NR1H2: variants seen among roughly 807,000 people sequenced by gnomAD.
The protein encoded by NR1H2 is oxysterols receptor LXR-beta.
NR1H2 carries 33 observed loss-of-function variants against 51.2 expected under a neutral mutation model. That is an observed-to-expected ratio of 0.64 (90% CI 0.49 to 0.86). The LOEUF (loss-of-function observed/expected upper bound fraction) is 0.86. Among genes scored for constraint, NR1H2 ranks in the 40% least tolerant of loss-of-function variants. The pLI is 0.00. For synonymous variants in NR1H2, 310 were observed against 264.3 expected (o/e 1.17, Z -1.68); for missense variants, 592 against 639.9 (o/e 0.93, Z 0.81).
At chr19:50,377,698 T>TCA (rs780020967) in intron 3 of NR1H2, 35 bp from the exon 4 acceptor site, 29 of 1,603,678 alleles carry the variant, frequency 1.8e-5, no homozygotes, top group Non-Finnish European at 2.5e-5. Context: ...GAGCAGAAGC[T>TCA]CACTGTACCT....
In NR1H2 at chr19:50,377,996, C is replaced by T. The variant is rs897973631; in HGVS notation, c.181+126C>T. ...GTTCTTGCTTTCTCCTTAACATATA[C>T]ATCTTTCTAAATTGCAATTTCCCTG... On this transcript the variant is annotated intron_variant, in intron 4 of 9. Coordinates refer to ENST00000253727, the MANE Select transcript of NR1H2 (RefSeq NM_007121.7). 4.9e-6 allele frequency: 7 copies of T among 1,425,986 alleles called. No homozygotes were observed. In the African/African-American group the frequency reaches 7.1e-5, roughly 15 times the overall value. 88.3% of individuals were successfully genotyped at this position (1,425,986 alleles called of 1,614,324 possible).
At chr19:50,382,266 C>T in intron 9 of NR1H2, 92 bp downstream of exon 9, 1 of 1,361,416 alleles carries the variant, frequency 7.3e-7, no homozygotes, top group South Asian at 1.4e-5. Flanking sequence ...ACACTGCCCT[C>T]CCCTCCGCAG....
At position 50,378,565 on chromosome 19, in the gene NR1H2, A is replaced by ACAGCAG. The variant is rs34296657; in HGVS notation, c.520_525dup (p.Gln174_Gln175dup). The ACAGCAG allele has an allele frequency of 6.2e-7, 1 of 1,612,558 alleles. No individual in the cohort carries two copies. The highest frequency in any genetic ancestry group is 1.1e-5 in the South Asian group (1 of 91,012). ...AGATCCGGAAGAAGAAGATTCGGAA[A>ACAGCAG]CAGCAGCAGGAGTCACAGTCACAGT... On this transcript the variant is annotated inframe_insertion, in exon 6 of 10. Transcript: ENST00000253727.
At position 50,382,735 on chromosome 19, in the gene NR1H2, A is replaced by T. The variant is rs755679742; in HGVS notation, c.*133A>T. ...GACCTATCGGCTCTCATCCCTTGGG[A>T]TAAGCCCCAGTCCAGGTCCAGGAGG... On this transcript the variant is annotated 3_prime_UTR_variant, in exon 10 of 10. Coordinates refer to ENST00000253727, the MANE Select transcript of NR1H2 (RefSeq NM_007121.7). 3 of 970,362 alleles carry T rather than the reference A, an allele frequency of 3.1e-6. No individual in the cohort carries two copies. Among genetic ancestry groups the T allele is most frequent in the Non-Finnish European group, 4.4e-6 (3 of 675,996 alleles). The allele number at this position is 970,362 out of a possible 1,614,324, so 60.1% of individuals were successfully genotyped here.
At chr19:50,380,850 A>C (rs2123654688) in intron 8 of NR1H2, among the ~76,000 whole-genome samples, 1 of 152,218 alleles carries the variant, frequency 6.6e-6, no homozygotes, top group East Asian at 1.9e-4. Flanking sequence ...GAACACTGCC[A>C]GGGTCCCCTT....
In NR1H2 at chr19:50,382,034, G is replaced by C. The variant is rs1341455909; in HGVS notation, c.1096G>C (p.Asp366His). ...GGCCATGCGGCGGCTGGGCCTGGAC[G>C]ACGCTGAGTACGCCCTGCTCATCGC... ...SRAMRRLGLD[D>H]AEYALLIAIN... Residue 366 changes from aspartate to histidine, a missense_variant, in exon 9 of 10, where the codon GAC becomes CAC. Asp to His is a moderately conservative substitution (Grantham distance 81). Transcript: ENST00000253727. 6.4e-7 allele frequency: 1 copy of C among 1,565,430 alleles called. No homozygotes were observed. Among genetic ancestry groups the C allele is most frequent in the Non-Finnish European group, 8.7e-7 (1 of 1,154,822 alleles).
At position 50,382,268 on chromosome 19, in the gene NR1H2, C is replaced by T. The variant is rs796608283; in HGVS notation, c.1236+94C>T. The T allele has an allele frequency of 6.5e-5, 88 of 1,360,122 alleles. No individual in the cohort carries two copies. In the African/African-American group the frequency reaches 8.4e-4, roughly 13 times the overall value. The allele number at this position is 1,360,122 out of a possible 1,614,324, so 84.3% of individuals were successfully genotyped here. A position where few individuals can be genotyped will look rare whatever the true frequency, so the allele number is the denominator to read the frequency against. On this transcript the variant is annotated intron_variant, in intron 9 of 9. Transcript: ENST00000253727. ...GGTTCTGCCAGCCACACTGCCCTCC[C>T]CTCCGCAGAGTCTTTCCTCAGGCCC... is the stretch of plus-strand genomic sequence containing the variant.
chr19:50,381,946 G>A lies in NR1H2; in HGVS notation c.1028-20G>A. On this transcript the variant is annotated intron_variant, in intron 8 of 9. Transcript: ENST00000253727. ...ACGGTTTCGGGCTGAGGGAGTCACGGGCTGCCTCCCGCCCCGCAGGCCTGC... is the reference window on the plus strand; with the variant it reads ...ACGGTTTCGGGCTGAGGGAGTCACGAGCTGCCTCCCGCCCCGCAGGCCTGC... 2 of 1,539,676 alleles carry A rather than the reference G, an allele frequency of 1.3e-6. No individual in the cohort carries two copies. Among genetic ancestry groups the A allele is most frequent in the Non-Finnish European group, 1.8e-6 (2 of 1,139,184 alleles).
At chr19:50,381,574 T>G (rs944424496) in intron 8 of NR1H2, among the ~76,000 whole-genome samples, 7 of 152,132 alleles carry the variant, frequency 4.6e-5, no homozygotes, top group Admixed American at 3.3e-4. Context: ...TGGGAATGAG[T>G]TTGGGCTTTA....
At chr19:50,378,962 C>T (rs200145237) in intron 6 of NR1H2, 40 bp from the exon 7 acceptor site, 7 of 1,569,542 alleles carry the variant, frequency 4.5e-6, no homozygotes, top group Non-Finnish European at 6.0e-6. Context: ...GACTTAGGCT[C>T]ACAAAGACCT....
chr19:50,381,932 C>T (rs1198088328), intron 8 of NR1H2, 34 bp from the exon 9 acceptor site: 1 of 1,524,922 alleles, frequency 6.6e-7, no homozygotes, highest in Non-Finnish European at 8.9e-7. Flanking sequence ...CGGTTTCGGG[C>T]TGAGGGAGTC....
chr19:50,379,243 GAGTTA>G, intron 7 of NR1H2, 62 bp downstream of exon 7: 1 of 1,513,684 alleles, frequency 6.6e-7, no homozygotes, highest in Non-Finnish European at 8.9e-7. Context: ...GCTGGGAGCA[GAGTTA>G]AGGAAGACCA....
Position 50,382,067 on chromosome 19 carries a change from ATCT to A in NR1H2, c.1133_1135del (p.Phe378del), listed in dbSNP as rs758565617. The A allele has an allele frequency of 8.4e-6, 13 of 1,555,550 alleles. No individual in the cohort carries two copies. The highest frequency in any genetic ancestry group is 1.7e-4 in the Middle Eastern group (1 of 6,024). On this transcript the variant is annotated inframe_deletion, in exon 9 of 10. Coordinates refer to ENST00000253727, the MANE Select transcript of NR1H2 (RefSeq NM_007121.7). Reference sequence around the variant, plus strand: ...GTACGCCCTGCTCATCGCCATCAACATCTTCTCGGCCGACCGGCCCAACGTGCA... The same window carrying A: ...GTACGCCCTGCTCATCGCCATCAACATCTCGGCCGACCGGCCCAACGTGCA...
chr19:50,377,984 C>T (rs1257528532), intron 4 of NR1H2, 114 bp downstream of exon 4: 7 of 1,440,278 alleles, frequency 4.9e-6, no homozygotes, highest in Middle Eastern at 2.5e-4. Context: ...CTTGCTTTCT[C>T]CTTAACATAT....
Position 50,378,586 on chromosome 19 carries a change from A to G in NR1H2, c.537A>G (p.Ser179=), listed in dbSNP as rs373521285. 5.9e-5 allele frequency: 95 copies of G among 1,613,802 alleles called. No homozygotes were observed. In the East Asian group the frequency reaches 1.4e-3, roughly 24 times the overall value. The part of the protein sequence containing the change: ...KIRKQQQESQ[S]QSQSPVGPQG... ...GGAAACAGCAGCAGGAGTCACAGTC[A>G]CAGTCGCAGTCACCTGTGGGGCCGC... The change falls in exon 6 of 10, where the codon TCA becomes TCG. Residue 179 remains serine (S), a synonymous_variant. Transcript: ENST00000253727.
Position 50,379,760 on chromosome 19 carries a change from C to A in NR1H2, c.928-20C>A, listed in dbSNP as rs377647254. On this transcript the variant is annotated intron_variant, in intron 7 of 9. Transcript: ENST00000253727. ...GAAGGGTCACAGGGCTCAAGCTCCC[C>A]CTCCCGCTGCCGCCCTTAGATCATG... 3.2e-4 allele frequency: 494 copies of A among 1,557,568 alleles called. 1 individual carries two copies. Among genetic ancestry groups the A allele is most frequent in the Admixed American group, 4.8e-4 (29 of 59,936 alleles).
At chr19:50,381,186 C>T (rs1214843949) in intron 8 of NR1H2, among the ~76,000 whole-genome samples, 23 of 152,250 alleles carry the variant, frequency 1.5e-4, no homozygotes, top group Admixed American at 1.4e-3. Context: ...CCAACTGGTC[C>T]TAGTTTGCCC....
In NR1H2 at chr19:50,382,190, G is replaced by A. The variant is rs1472900127; in HGVS notation, c.1236+16G>A. The A allele has an allele frequency of 6.6e-7, 1 of 1,513,438 alleles. No homozygotes were observed. The highest frequency in any genetic ancestry group is 2.5e-5 in the East Asian group (1 of 40,628). 93.8% of individuals were successfully genotyped at this position (1,513,438 alleles called of 1,614,324 possible). On this transcript the variant is annotated intron_variant, in intron 9 of 9. Coordinates refer to ENST00000253727, the MANE Select transcript of NR1H2 (RefSeq NM_007121.7). ...GAGGCCGCAGGTAGGGCCCCGCAGA[G>A]CCTCTGCGCAGAGCCAACTACGTCC... is the stretch of plus-strand genomic sequence containing the variant.
In NR1H2 at chr19:50,377,571, C is replaced by A; in HGVS notation, c.-19-16C>A. Reference sequence around the variant, plus strand: ...TTCTTAGCCCCACAAGGCTCTCAATCCCCTGTATTCTACAGGCTGCTCCGT... The same window carrying A: ...TTCTTAGCCCCACAAGGCTCTCAATACCCTGTATTCTACAGGCTGCTCCGT... On this transcript the variant is annotated splice_polypyrimidine_tract_variant and intron_variant, in intron 2 of 9. Coordinates refer to ENST00000253727, the MANE Select transcript of NR1H2 (RefSeq NM_007121.7). 6.2e-7 allele frequency: 1 copy of A among 1,604,308 alleles called. No homozygotes were observed. The highest frequency in any genetic ancestry group is 8.5e-7 in the Non-Finnish European group (1 of 1,172,210).
Sources: gnomAD v4.1 joint callset for allele counts (sites outside exome capture counted in the v4.1 genomes callset) on GRCh38, gnomAD v4.1.1 for gene constraint, MANE v1.5 for transcripts, NCBI Gene and HGNC (gene_info 2026-07-23, HGNC 2026-07-21) for gene names.